ZFPM2: variants seen among roughly 807,000 people sequenced by gnomAD.
ZFPM2 encodes the protein zinc finger protein, FOG family member 2, also known as zinc finger protein ZFPM2.
In ZFPM2, 20 loss-of-function variants were observed where a neutral mutation model predicts 98.6. The observed-to-expected ratio is 0.20, with a 90% confidence interval of 0.14 to 0.29. ZFPM2 has a LOEUF of 0.29. ZFPM2 is among the 10% of genes least tolerant of loss of function. The pLI, the probability that ZFPM2 is intolerant of heterozygous loss-of-function variation, is 1.00. For missense variants in ZFPM2, 1,310 were observed against 1,388.6 expected, an observed-to-expected ratio of 0.94 and a Z score of 0.90; for synonymous variants, 518 against 502.7, an observed-to-expected ratio of 1.03 and a Z score of -0.41.
intron 4 of ZFPM2, among the ~76,000 whole-genome samples, chr8:105,610,194 A>G (rs1248095511): frequency 6.6e-6 from 1 of 152,208 alleles, no homozygotes; most frequent in Non-Finnish European, 1.5e-5. Context: ...CAGAGAGCCC[A>G]GGCTGTATCT....
At chr8:105,391,927 G>A (rs959034179) in intron 1 of ZFPM2, among the ~76,000 whole-genome samples, 6 of 152,174 alleles carry the variant, frequency 3.9e-5, no homozygotes, top group African/African-American at 1.4e-4. Flanking sequence ...ATGGCATCTA[G>A]AAAGGTAAAT....
chr8:105,420,337 T>C (rs1260695780), intron 2 of ZFPM2, among the ~76,000 whole-genome samples: 1 of 152,184 alleles, frequency 6.6e-6, no homozygotes, highest in Non-Finnish European at 1.5e-5. Flanking sequence ...CATGTATATA[T>C]TTAATCATTA....
intron 4 of ZFPM2, among the ~76,000 whole-genome samples, chr8:105,629,061 C>T (rs781682736): frequency 1.4e-4 from 22 of 152,088 alleles, no homozygotes; most frequent in East Asian, 7.7e-4. Flanking sequence ...TCATTCCTGC[C>T]GGCACTAAAG....
intron 4 of ZFPM2, among the ~76,000 whole-genome samples, chr8:105,574,865 G>A (rs1452717583): frequency 6.6e-6 from 1 of 150,602 alleles, no homozygotes; most frequent in Non-Finnish European, 1.5e-5. Context: ...GCATTTAAAG[G>A]TACCCAATTA....
chr8:105,545,801 A>C (rs1278641786), intron 3 of ZFPM2, among the ~76,000 whole-genome samples: 1 of 152,212 alleles, frequency 6.6e-6, no homozygotes, highest in Non-Finnish European at 1.5e-5. Flanking sequence ...CAGTAAGATG[A>C]ATAAACATTT....
At chr8:105,522,681 G>A (rs1439038792) in intron 3 of ZFPM2, among the ~76,000 whole-genome samples, 1 of 151,830 alleles carries the variant, frequency 6.6e-6, no homozygotes, top group East Asian at 1.9e-4. Context: ...TGAGGCAGGA[G>A]AATCGCTTGA....
rs568177807 is a variant in ZFPM2 at position 105,676,039 on chromosome 8, A to T, written c.532+41682A>T. The T allele has an allele frequency of 2.6e-5, 4 of 152,280 alleles. No homozygotes were observed. In the South Asian group the frequency reaches 8.3e-4, roughly 32 times the overall value. 9.4% of individuals were successfully genotyped at this position (152,280 alleles called of 1,614,324 possible). A position where few individuals can be genotyped will look rare whatever the true frequency, so the allele number is the denominator to read the frequency against. ...ACCTTCAGGTTAGCAAATCTTACAG[A>T]TGTCTAAATTATAGGCCAGATGCCA... On this transcript the variant is annotated intron_variant, in intron 5 of 7. Coordinates refer to ENST00000407775, the MANE Select transcript of ZFPM2 (RefSeq NM_012082.4).
Position 105,501,184 on chromosome 8 carries a change from C to T in ZFPM2, c.301+56803C>T, listed in dbSNP as rs75604432. 9.8e-4 allele frequency among the ~76,000 whole-genome samples: 125 copies of T among 127,390 alleles called. 2 individuals are homozygous for T. Among genetic ancestry groups the T allele is most frequent in the East Asian group, 2.0e-3 (8 of 4,032 alleles). 83.6% of individuals were successfully genotyped at this position (127,390 alleles called of 152,430 possible). ...TCAAACAATATGAATTTACTTTTCT[C>T]TTTTTTTTTTTTTTTTGAGATGGAG... is the stretch of plus-strand genomic sequence containing the variant. On this transcript the variant is annotated intron_variant, in intron 3 of 7. Transcript: ENST00000407775.
At chr8:105,619,466 A>G (rs916039619) in intron 4 of ZFPM2, among the ~76,000 whole-genome samples, 1 of 152,024 alleles carries the variant, frequency 6.6e-6, no homozygotes, top group African/African-American at 2.4e-5. Context: ...TAACCTATAA[A>G]TGTTACTGAA....
chr8:105,483,721 T>C (rs573760898), intron 3 of ZFPM2, among the ~76,000 whole-genome samples: 30 of 152,172 alleles, frequency 2.0e-4, no homozygotes, highest in African/African-American at 7.0e-4. Context: ...TTGTCAGTCA[T>C]CTGTCTTTTC....
intron 5 of ZFPM2, among the ~76,000 whole-genome samples, chr8:105,687,218 C>T (rs1810760339): frequency 1.3e-5 from 2 of 152,184 alleles, no homozygotes; most frequent in Admixed American, 6.5e-5. Flanking sequence ...GAAGGTCACA[C>T]TGCCAGCCTA....
At chr8:105,651,394 G>T (rs1332515342) in intron 5 of ZFPM2, among the ~76,000 whole-genome samples, 1 of 150,424 alleles carries the variant, frequency 6.6e-6, no homozygotes, top group Non-Finnish European at 1.5e-5. Context: ...CTTGAACCTG[G>T]AAGTTGGAGG....
chr8:105,418,747 A>G (rs1350277581), intron 1 of ZFPM2: 3 of 488,594 alleles, frequency 6.1e-6, no homozygotes, highest in Non-Finnish European at 1.2e-5. Context: ...ATCTTTATTA[A>G]AATCTCAGGT....
intron 5 of ZFPM2, among the ~76,000 whole-genome samples, chr8:105,753,738 A>G (rs1374434282): frequency 6.6e-6 from 1 of 152,166 alleles, no homozygotes; most frequent in African/African-American, 2.4e-5. Flanking sequence ...TGGCATAATA[A>G]TGTAACAATG....
intron 5 of ZFPM2, among the ~76,000 whole-genome samples, chr8:105,675,352 T>C (rs1290389419): frequency 1.3e-5 from 2 of 152,132 alleles, no homozygotes; most frequent in Non-Finnish European, 2.9e-5. Flanking sequence ...TTAGGAGTGA[T>C]ATCAGTAAAT....
chr8:105,791,260 G>T (rs1022863961), intron 6 of ZFPM2, among the ~76,000 whole-genome samples: 1 of 151,918 alleles, frequency 6.6e-6, no homozygotes, highest in South Asian at 2.1e-4. Context: ...TTTGAGATAC[G>T]TCCCATCAAT....
chr8:105,803,523 A>G lies in ZFPM2; in HGVS notation c.3441A>G (p.Ala1147=). ...HKKFYCSSHA[A]EHVK is the part of the protein sequence containing the mutation. ...AGTTTTATTGCTCATCACATGCAGC[A>G]GAACATGTCAAATGAACTAACTAAA... The change falls in exon 8 of 8, where the codon GCA becomes GCG. Residue 1147 remains alanine (A), a synonymous_variant. Transcript: ENST00000407775. 6.2e-7 allele frequency: 1 copy of G among 1,608,414 alleles called. No individual in the cohort carries two copies. The highest frequency in any genetic ancestry group is 8.5e-7 in the Non-Finnish European group (1 of 1,176,924).
At chr8:105,556,739 C>G in intron 3 of ZFPM2, among the ~76,000 whole-genome samples, 1 of 148,596 alleles carries the variant, frequency 6.7e-6, no homozygotes, top group Non-Finnish European at 1.5e-5. Flanking sequence ...CTCCCCTCCC[C>G]TTTGACAGAG....
At chr8:105,764,995 A>G (rs1812825383) in intron 5 of ZFPM2, among the ~76,000 whole-genome samples, 1 of 151,872 alleles carries the variant, frequency 6.6e-6, no homozygotes, top group Non-Finnish European at 1.5e-5. Flanking sequence ...GTTAGTACTA[A>G]GTCCTCTGTT....
Sources: gnomAD v4.1 joint callset for allele counts (sites outside exome capture counted in the v4.1 genomes callset) on GRCh38, gnomAD v4.1.1 for gene constraint, MANE v1.5 for transcripts, NCBI Gene and HGNC (gene_info 2026-07-23, HGNC 2026-07-21) for gene names.